The following PIGS variants were observed in gnomAD, a reference collection of about 807,000 sequenced individuals.
The protein encoded by PIGS is phosphatidylinositol glycan anchor biosynthesis class S, also known as GPI-anchor transamidase component PIGS.
A neutral mutation model predicts 58.2 loss-of-function variants in PIGS; 37 were observed. The ratio of observed to expected loss-of-function variants is 0.64; its 90% CI spans 0.49 to 0.84. The LOEUF is 0.84. PIGS is among the 40% of genes least tolerant of loss of function. The pLI is 0.00. For synonymous variants in PIGS, 269 were observed against 289.2 expected, an observed-to-expected ratio of 0.93 and a Z score of 0.71; for missense variants, 629 against 710.8, an observed-to-expected ratio of 0.88 and a Z score of 1.31.
intron 5 of PIGS, among the ~76,000 whole-genome samples, chr17:28,562,569 G>A (rs1188393583): frequency 6.6e-6 from 1 of 152,074 alleles, no homozygotes; most frequent in Admixed American, 6.5e-5. Context: ...GAGTAGCTGG[G>A]ACTACAGGCA....
Position 28,554,018 on chromosome 17 carries a change from A to T in PIGS, c.*202T>A, listed in dbSNP as rs574785008. The T allele has an allele frequency of 1.6e-6, 1 of 641,568 alleles. No homozygotes were observed. Among genetic ancestry groups the T allele is most frequent in the Non-Finnish European group, 2.6e-6 (1 of 380,934 alleles). 39.7% of individuals were successfully genotyped at this position (641,568 alleles called of 1,614,324 possible). On this transcript the variant is annotated 3_prime_UTR_variant, in exon 12 of 12. Transcript: ENST00000308360. ...TGCCTTTTGAGGCCCCTGGTGGTGG[A>T]GGAGGATTGAGCCAGGTGAATGGGA...
In PIGS at chr17:28,570,774, C is replaced by T. The variant is rs2070422029; in HGVS notation, c.286+78G>A. On this transcript the variant is annotated intron_variant, in intron 3 of 11. Transcript: ENST00000308360. Reference sequence around the variant, plus strand: ...TAAGTTTTTAACTGCGTTTATGGTACACCCCCGCTCCTCCCACCCAACTCA... The same window carrying T: ...TAAGTTTTTAACTGCGTTTATGGTATACCCCCGCTCCTCCCACCCAACTCA... 2.9e-6 allele frequency: 4 copies of T among 1,380,176 alleles called. No homozygotes were observed. The East Asian group carries it at 9.2e-5, about 32-fold the overall frequency. 85.5% of individuals were successfully genotyped at this position (1,380,176 alleles called of 1,614,324 possible).
intron 3 of PIGS, among the ~76,000 whole-genome samples, chr17:28,566,831 T>C (rs900679828): frequency 8.0e-5 from 12 of 150,046 alleles, no homozygotes; most frequent in Admixed American, 8.0e-4. Context: ...TGACCTCAAA[T>C]GATCCACCGC....
At chr17:28,560,340 G>A in intron 6 of PIGS, 149 bp from the exon 7 acceptor site, 2 of 954,670 alleles carry the variant, frequency 2.1e-6, no homozygotes, top group South Asian at 1.7e-5. Context: ...ACTGGGATGA[G>A]GAACACTGAG....
Position 28,554,041 on chromosome 17 carries a change from G to T in PIGS, c.*179C>A. On this transcript the variant is annotated 3_prime_UTR_variant, in exon 12 of 12. Coordinates refer to ENST00000308360, the MANE Select transcript of PIGS (RefSeq NM_033198.4). ...GGAGGAGGATTGAGCCAGGTGAATG[G>T]GAAAGGAAGAAAAGATGAACCCATC... The T allele has an allele frequency of 1.3e-6, 1 of 769,076 alleles. No individual in the cohort carries two copies. The highest frequency in any genetic ancestry group is 2.0e-6 in the Non-Finnish European group (1 of 490,156). The allele number at this position is 769,076 out of a possible 1,614,324, so 47.6% of individuals were successfully genotyped here.
intron 8 of PIGS, chr17:28,557,205 T>G (rs981831914): frequency 2.0e-6 from 1 of 512,232 alleles, no homozygotes; most frequent in African/African-American, 2.0e-5. Flanking sequence ...GAATTCTCCC[T>G]CCTCAAAGGC....
At chr17:28,559,065 C>T (rs1272075992) in intron 7 of PIGS, among the ~76,000 whole-genome samples, 1 of 152,034 alleles carries the variant, frequency 6.6e-6, no homozygotes, top group Non-Finnish European at 1.5e-5. Flanking sequence ...CTGCAAACTC[C>T]ACCTCCCGGG....
At position 28,554,118 on chromosome 17, in the gene PIGS, AAAT is replaced by A; in HGVS notation, c.*99_*101del. On this transcript the variant is annotated 3_prime_UTR_variant, in exon 12 of 12. Transcript: ENST00000308360. Reference sequence around the variant, plus strand: ...AGAGCCAACAGTGGAGACTGGAGACAAATATTTAAGTCATTCCGGCAGGCCCCA... The same window carrying A: ...AGAGCCAACAGTGGAGACTGGAGACAATTTAAGTCATTCCGGCAGGCCCCA... 6.9e-7 allele frequency: 1 copy of A among 1,454,490 alleles called. No individual in the cohort carries two copies. The highest frequency in any genetic ancestry group is 2.0e-5 in the Admixed American group (1 of 49,294). The allele number at this position is 1,454,490 out of a possible 1,614,324, so 90.1% of individuals were successfully genotyped here.
intron 7 of PIGS, 130 bp from the exon 8 acceptor site, chr17:28,558,720 A>AGAGAAAATAATTGCAG: frequency 1.5e-6 from 1 of 684,588 alleles, no homozygotes; most frequent in South Asian, 1.8e-5. Flanking sequence ...ATCAGGGCTG[A>AGAGAAAATAATTGCAG]GAGAAAATAA....
intron 3 of PIGS, among the ~76,000 whole-genome samples, chr17:28,564,461 C>T (rs568739668): frequency 6.6e-6 from 1 of 152,250 alleles, no homozygotes; most frequent in South Asian, 2.1e-4. Flanking sequence ...CACCTGTAAT[C>T]CCAGCACTTT....
At chr17:28,564,258 A>T (rs911277798) in intron 3 of PIGS, among the ~76,000 whole-genome samples, 2 of 152,228 alleles carry the variant, frequency 1.3e-5, no homozygotes, top group Non-Finnish European at 2.9e-5. Context: ...AATTCAGTGA[A>T]TGTTCCTGAT....
intron 5 of PIGS, 107 bp from the exon 6 acceptor site, chr17:28,561,736 G>A (rs1298852455): frequency 3.7e-6 from 4 of 1,074,636 alleles, no homozygotes; most frequent in Non-Finnish European, 5.3e-6. Flanking sequence ...TGACCAACAG[G>A]TTTGCACCTC....
intron 5 of PIGS, among the ~76,000 whole-genome samples, chr17:28,562,659 C>G (rs1397912858): frequency 6.6e-6 from 1 of 152,036 alleles, no homozygotes; most frequent in African/African-American, 2.4e-5. Context: ...GTCTCAAACT[C>G]CTGACCTCAA....
At chr17:28,557,072 T>G in intron 8 of PIGS, 100 bp from the exon 9 acceptor site, 1 of 1,267,652 alleles carries the variant, frequency 7.9e-7, no homozygotes. Flanking sequence ...TGGGACTGAT[T>G]CCCCAACTAA....
At chr17:28,555,494 C>T (rs761071871) in intron 10 of PIGS, 4 of 188,810 alleles carry the variant, frequency 2.1e-5, no homozygotes, top group Non-Finnish European at 3.3e-5. Flanking sequence ...GTGAGAGACA[C>T]TGCTAGTCAA....
chr17:28,566,593 C>CA (rs1319082641), intron 3 of PIGS, among the ~76,000 whole-genome samples: 161 of 131,406 alleles, frequency 1.2e-3, no homozygotes, highest in Non-Finnish European at 2.1e-3. Context: ...GCCCAGCCTA[C>CA]TTTTTTTTTT....
chr17:28,564,172 T>C (rs1229365832), intron 3 of PIGS, among the ~76,000 whole-genome samples: 1 of 152,260 alleles, frequency 6.6e-6, no homozygotes, highest in Admixed American at 6.5e-5. Flanking sequence ...GGGAAATCTA[T>C]TTCAATAGTC....
At chr17:28,555,742 G>A (rs1234475766) in intron 10 of PIGS, 13 of 183,262 alleles carry the variant, frequency 7.1e-5, no homozygotes, top group Admixed American at 1.6e-4. Flanking sequence ...AGGCCTAAGC[G>A]GGTGGATCAC....
chr17:28,567,731 T>C (rs2070402106), intron 3 of PIGS, among the ~76,000 whole-genome samples: 1 of 152,230 alleles, frequency 6.6e-6, no homozygotes, highest in African/African-American at 2.4e-5. Flanking sequence ...CTCACAGTGA[T>C]CTACCAGGCC....
Sources: gnomAD v4.1 joint callset for allele counts (sites outside exome capture counted in the v4.1 genomes callset) on GRCh38, gnomAD v4.1.1 for gene constraint, MANE v1.5 for transcripts, NCBI Gene and HGNC (gene_info 2026-07-23, HGNC 2026-07-21) for gene names.